The following DLG2 variants were observed in gnomAD, a reference collection of about 807,000 sequenced individuals.
The protein encoded by DLG2 is disks large homolog 2.
A neutral mutation model predicts 132.5 loss-of-function variants in DLG2; 45 were observed. The ratio of observed to expected loss-of-function variants is 0.34; its 90% CI spans 0.27 to 0.44. The LOEUF is 0.44. Ranked by LOEUF, DLG2 falls within the 20% of genes least tolerant of loss-of-function variation. The pLI is 1.00. For synonymous variants in DLG2, 424 were observed against 419.6 expected, an observed-to-expected ratio of 1.01 and a Z score of -0.13; for missense variants, 1,045 against 1,196.9, an observed-to-expected ratio of 0.87 and a Z score of 1.87.
At chr11:84,873,627 A>G (rs1566226204) in intron 6 of DLG2, among the ~76,000 whole-genome samples, 1 of 152,234 alleles carries the variant, frequency 6.6e-6, no homozygotes, top group Non-Finnish European at 1.5e-5. Context: ...AGATTTCCTG[A>G]AAGATTAGGG....
intron 7 of DLG2, among the ~76,000 whole-genome samples, chr11:84,263,246 T>C (rs903438627): frequency 6.6e-6 from 1 of 151,956 alleles, no homozygotes; most frequent in Non-Finnish European, 1.5e-5. Context: ...AAGGATGCTG[T>C]ATAACTTTTC....
chr11:84,913,684 T>C (rs184165031), intron 6 of DLG2, among the ~76,000 whole-genome samples: 2 of 152,286 alleles, frequency 1.3e-5, no homozygotes, highest in East Asian at 3.9e-4. Flanking sequence ...GAATATACAT[T>C]TCTATATATG....
chr11:84,126,259 C>A (rs541223299), intron 9 of DLG2, among the ~76,000 whole-genome samples: 3 of 152,024 alleles, frequency 2.0e-5, no homozygotes, highest in Admixed American at 2.0e-4. Flanking sequence ...AAAAAGGACT[C>A]TTTTATGTTA....
At chr11:85,133,926 T>G (rs2075941269) in intron 5 of DLG2, among the ~76,000 whole-genome samples, 1 of 151,842 alleles carries the variant, frequency 6.6e-6, no homozygotes, top group Non-Finnish European at 1.5e-5. Context: ...AATAATATAC[T>G]TTTTTTTCCC....
At chr11:85,131,952 A>T (rs2075747464) in intron 5 of DLG2, among the ~76,000 whole-genome samples, 1 of 152,178 alleles carries the variant, frequency 6.6e-6, no homozygotes, top group South Asian at 2.1e-4. Context: ...TACATGCAAA[A>T]TGAAAAGGGA....
chr11:84,839,827 A>G (rs1016801619), intron 6 of DLG2, among the ~76,000 whole-genome samples: 2 of 152,188 alleles, frequency 1.3e-5, no homozygotes, highest in East Asian at 3.8e-4. Flanking sequence ...TACACCTTAT[A>G]CAAAAATTAA....
intron 22 of DLG2, among the ~76,000 whole-genome samples, chr11:83,481,593 A>G (rs1296914167): frequency 6.6e-6 from 1 of 152,174 alleles, no homozygotes; most frequent in African/African-American, 2.4e-5. Context: ...CATGGGTTAA[A>G]TTCACACAAA....
intron 3 of DLG2, among the ~76,000 whole-genome samples, chr11:85,465,122 A>AAAAAAAAAAG (rs2092740718): frequency 1.6e-5 from 2 of 123,896 alleles, no homozygotes; most frequent in Non-Finnish European, 3.4e-5. Flanking sequence ...AAAAAAAAGA[A>AAAAAAAAAAG]GCAAGATGGA....
chr11:83,507,788 ATATATATATATG>A (rs1260174772), intron 21 of DLG2, among the ~76,000 whole-genome samples: 12 of 105,252 alleles, frequency 1.1e-4, no homozygotes, highest in African/African-American at 4.3e-4. Context: ...ATATATATAT[ATATATATATATG>A]TATATATGAG....
At chr11:85,356,540 A>G (rs548092920) in intron 3 of DLG2, among the ~76,000 whole-genome samples, 1 of 152,326 alleles carries the variant, frequency 6.6e-6, no homozygotes, top group African/African-American at 2.4e-5. Context: ...AGACATTCAA[A>G]ACAAGAGAAC....
chr11:84,840,871 A>C (rs2080556717), intron 6 of DLG2, among the ~76,000 whole-genome samples: 1 of 151,980 alleles, frequency 6.6e-6, no homozygotes, highest in African/African-American at 2.4e-5. Flanking sequence ...GGATAGCATT[A>C]GCAGAATACC....
chr11:83,906,232 G>GTCTCTCTC lies in DLG2; in HGVS notation c.1496+24088_1496+24095dup, dbSNP rs144862801. On this transcript the variant is annotated intron_variant, in intron 15 of 27. Transcript: ENST00000376104. ...TAACTGGAAGATTGCTATAGTAGATGTCTCTCTCTCTCTCTCTCTCTCTCT... is the reference window on the plus strand; with the variant it reads ...TAACTGGAAGATTGCTATAGTAGATGTCTCTCTCTCTCTCTCTCTCTCTCTCTCTCTCT... Among the ~76,000 whole-genome samples, 407 of 71,632 alleles carry GTCTCTCTC rather than the reference G, an allele frequency of 5.7e-3. 11 individuals carry two copies. Among genetic ancestry groups the GTCTCTCTC allele is most frequent in the Middle Eastern group, 8.8e-3 (1 of 114 alleles). 47.0% of individuals were successfully genotyped at this position (71,632 alleles called of 152,430 possible).
intron 3 of DLG2, among the ~76,000 whole-genome samples, chr11:85,325,269 C>A (rs1303031376): frequency 1.3e-5 from 2 of 152,204 alleles, no homozygotes; most frequent in Non-Finnish European, 2.9e-5. Context: ...CGGAGCCCAC[C>A]ACAGCTCAAG....
At chr11:84,432,817 G>T (rs1464697559) in intron 7 of DLG2, among the ~76,000 whole-genome samples, 2 of 152,102 alleles carry the variant, frequency 1.3e-5, no homozygotes, top group East Asian at 3.9e-4. Context: ...GAGTCCAGGA[G>T]TTCGAGACCA....
At chr11:83,680,850 A>C (rs755793669) in intron 18 of DLG2, among the ~76,000 whole-genome samples, 4 of 151,980 alleles carry the variant, frequency 2.6e-5, no homozygotes, top group Non-Finnish European at 5.9e-5. Flanking sequence ...TTATGCAAAA[A>C]ATAAAGCAAT....
intron 3 of DLG2, among the ~76,000 whole-genome samples, chr11:85,500,313 T>A (rs1479691599): frequency 7.3e-6 from 1 of 137,190 alleles, no homozygotes; most frequent in Non-Finnish European, 1.5e-5. Flanking sequence ...ACACCGCATA[T>A]TCTCACTCAT....
intron 3 of DLG2, among the ~76,000 whole-genome samples, chr11:85,459,817 T>C (rs1366951576): frequency 6.6e-6 from 1 of 152,096 alleles, no homozygotes; most frequent in East Asian, 1.9e-4. Context: ...AATGTTCAGG[T>C]TGAAGCAAGT....
At chr11:85,497,045 C>T (rs1330220637) in intron 3 of DLG2, among the ~76,000 whole-genome samples, 2 of 151,724 alleles carry the variant, frequency 1.3e-5, no homozygotes, top group African/African-American at 4.8e-5. Context: ...CAACTCCTCG[C>T]CAGCAAGGGA....
At chr11:83,991,319 T>C (rs985543487) in intron 11 of DLG2, among the ~76,000 whole-genome samples, 3 of 152,178 alleles carry the variant, frequency 2.0e-5, no homozygotes, top group African/African-American at 7.2e-5. Context: ...ATTAACTTAC[T>C]ATAGCCACAG....
Sources: allele counts gnomAD v4.1 joint callset (sites outside exome capture counted in the v4.1 genomes callset), GRCh38; gene constraint gnomAD v4.1.1; transcripts MANE v1.5; gene names NCBI Gene and HGNC (gene_info 2026-07-23, HGNC 2026-07-21).